EIF2AK3: variants seen among roughly 807,000 people sequenced by gnomAD.
The protein encoded by EIF2AK3 is eukaryotic translation initiation factor 2-alpha kinase 3.
A neutral mutation model predicts 113.5 loss-of-function variants in EIF2AK3; 50 were observed. The ratio of observed to expected loss-of-function variants is 0.44; its 90% CI spans 0.35 to 0.56. EIF2AK3 has a LOEUF of 0.56. Ranked by LOEUF, EIF2AK3 falls within the 20% of genes least tolerant of loss-of-function variation. The probability of loss-of-function intolerance (pLI) is 0.00; values close to 1 mark genes in which losing one functional copy is unlikely to be tolerated. For synonymous variants in EIF2AK3, 448 were observed against 495.4 expected (o/e 0.90, Z 1.27); for missense variants, 1,185 against 1,378.0 (o/e 0.86, Z 2.22).
chr2:88,574,465 T>C lies in EIF2AK3; in HGVS notation c.2817+201A>G, dbSNP rs1332480315. On this transcript the variant is annotated intron_variant, in intron 13 of 16. Coordinates refer to ENST00000303236, the MANE Select transcript of EIF2AK3 (RefSeq NM_004836.7). Reference sequence around the variant, plus strand: ...CAAACACATTACTGAAGACAATGAATGCATGGTTTGCCTAAAGTTTTCAGA... The same window carrying C: ...CAAACACATTACTGAAGACAATGAACGCATGGTTTGCCTAAAGTTTTCAGA... The C allele has an allele frequency of 1.5e-5, 9 of 617,454 alleles. No individual in the cohort carries two copies. In the East Asian group the frequency reaches 2.2e-4, roughly 15 times the overall value. The allele number at this position is 617,454 out of a possible 1,614,324, so 38.2% of individuals were successfully genotyped here.
Position 88,626,988 on chromosome 2 carries a change from G to C in EIF2AK3, c.287C>G (p.Thr96Arg). The C allele has an allele frequency of 1.2e-6, 2 of 1,609,454 alleles. No individual in the cohort carries two copies. The highest frequency in any genetic ancestry group is 1.7e-6 in the Non-Finnish European group (2 of 1,178,934). The change falls in exon 1 of 17, where the codon ACA becomes AGA. Residue 96 changes from threonine (T) to arginine (R), a missense_variant. Coordinates refer to ENST00000303236, the MANE Select transcript of EIF2AK3 (RefSeq NM_004836.7). Reference protein sequence around the residue: ...EPRGPEPDDETELRPRGRSLV... With the variant: ...EPRGPEPDDERELRPRGRSLV... ...TCACCTGCCGCGCGGTCGCAACTCT[G>C]TCTCATCGTCTGGTTCCGGACCCCG...
Position 88,562,295 on chromosome 2 carries a change from T to A in EIF2AK3, c.3081A>T (p.Arg1027Ser), listed in dbSNP as rs1673987029. ...GAGTAGGGAGGGTACTTACCCTGAC[T>A]CTCTCCATCTGAGTGCTGAATGGAT... is the stretch of plus-strand genomic sequence containing the variant. ...LLYPFSTQME[R>S]VRTLTDVRNL... Residue 1027 changes from arginine to serine, a missense_variant, in exon 15 of 17, where the codon AGA (arginine) becomes AGT (serine). Physicochemically the swap from Arg to Ser is moderately radical, Grantham distance 110. Coordinates refer to ENST00000303236, the MANE Select transcript of EIF2AK3 (RefSeq NM_004836.7). 1 of 1,613,388 alleles carries A rather than the reference T, an allele frequency of 6.2e-7. No homozygotes were observed.
intron 2 of EIF2AK3, among the ~76,000 whole-genome samples, chr2:88,609,315 G>A (rs1675372840): frequency 6.6e-6 from 1 of 152,222 alleles, no homozygotes; most frequent in Non-Finnish European, 1.5e-5. Context: ...CAAACAAGGT[G>A]TGATTTGCCT....
At position 88,574,660 on chromosome 2, in the gene EIF2AK3, A is replaced by G; in HGVS notation, c.2817+6T>C. ...ACCCCAAGGGTGATGCTCCACAAAT[A>G]CAGACCTTGAGGTCCCTGTGCATCA... On this transcript the variant is annotated splice_donor_region_variant and intron_variant, in intron 13 of 16. Transcript: ENST00000303236. The G allele has an allele frequency of 6.2e-7, 1 of 1,614,034 alleles. No homozygotes were observed. The highest frequency in any genetic ancestry group is 8.5e-7 in the Non-Finnish European group (1 of 1,179,964).
At chr2:88,603,568 C>A (rs1675202212) in intron 2 of EIF2AK3, among the ~76,000 whole-genome samples, 1 of 152,128 alleles carries the variant, frequency 6.6e-6, no homozygotes, top group Admixed American at 6.5e-5. Context: ...GTCTTCACAC[C>A]AAGTAGCAGA....
At chr2:88,602,554 A>G (rs1000747981) in intron 2 of EIF2AK3, among the ~76,000 whole-genome samples, 1 of 152,204 alleles carries the variant, frequency 6.6e-6, no homozygotes, top group Non-Finnish European at 1.5e-5. Context: ...AATATTTATT[A>G]AAGGGGCACA....
At chr2:88,586,089 T>C in intron 8 of EIF2AK3, 28 bp from the exon 9 acceptor site, 1 of 1,594,864 alleles carries the variant, frequency 6.3e-7, no homozygotes, top group Non-Finnish European at 8.6e-7. Context: ...AAAACGTTTT[T>C]TTTAAAGGTA....
intron 1 of EIF2AK3, among the ~76,000 whole-genome samples, chr2:88,620,245 T>G (rs1324726335): frequency 6.6e-6 from 1 of 152,156 alleles, no homozygotes; most frequent in African/African-American, 2.4e-5. Context: ...TTCTGCCTCT[T>G]GTACCAGCCC....
chr2:88,575,093 C>T lies in EIF2AK3; in HGVS notation c.2390G>A (p.Arg797Lys). The T allele has an allele frequency of 6.2e-7, 1 of 1,614,166 alleles. No homozygotes were observed. The highest frequency in any genetic ancestry group is 1.1e-5 in the South Asian group (1 of 91,082). ...LCPSEASPYV[R>K]SRERTSSSIV... ...TGAAGAGGAGGTTCTCTCCCTTGAC[C>T]TTACATAAGGAGAAGCTTCAGAAGG... Residue 797 changes from arginine to lysine, a missense_variant, in exon 13 of 17, where the codon AGG (arginine) becomes AAG (lysine). Transcript: ENST00000303236.
chr2:88,623,854 T>C (rs1675793896), intron 1 of EIF2AK3, among the ~76,000 whole-genome samples: 1 of 152,198 alleles, frequency 6.6e-6, no homozygotes, highest in Non-Finnish European at 1.5e-5. Flanking sequence ...CCTAGGCAAT[T>C]CTGTTTGGTG....
rs1674548558 is a variant in EIF2AK3 at position 88,579,621 on chromosome 2, G to A, written c.1783C>T (p.Pro595Ser). The change falls in exon 11 of 17, where the codon CCA becomes TCA. Residue 595 changes from proline to serine, a missense_variant. Transcript: ENST00000303236. The stretch of plus-strand genomic sequence containing the variant: ...CCACCACGTCCCAGGCATTGAATTG[G>A]CTCAAAATCAGTTAGATATCTTTAA... The part of the protein sequence containing the change: ...YISRYLTDFE[P>S]IQCLGRGGFG... 10 of 1,613,406 alleles carry A rather than the reference G, an allele frequency of 6.2e-6. No homozygotes were observed. The highest frequency in any genetic ancestry group is 6.8e-6 in the Non-Finnish European group (8 of 1,179,626).
At position 88,613,729 on chromosome 2, in the gene EIF2AK3, G is replaced by T. The variant is rs1675506532; in HGVS notation, c.433C>A (p.Pro145Thr). ...GSLVSSSLSK[P>T]EVFGNKMIIP... ...AGTTAACAGAAAATTCTTACCTCTG[G>T]TTTGCTAAGGCTGGATGACACCAAG... The change falls in exon 2 of 17, where the codon CCA (proline) becomes ACA (threonine). Residue 145 changes from proline to threonine, a missense_variant. Around this residue, in one of 3 missense-constraint regions of EIF2AK3, gnomAD observed 119 missense variants for 178.7 expected, o/e 0.67. Coordinates refer to ENST00000303236, the MANE Select transcript of EIF2AK3 (RefSeq NM_004836.7). 1 of 1,613,846 alleles carries T rather than the reference G, an allele frequency of 6.2e-7. No homozygotes were observed. The highest frequency in any genetic ancestry group is 8.5e-7 in the Non-Finnish European group (1 of 1,179,940).
chr2:88,624,441 A>G (rs1224754512), intron 1 of EIF2AK3, among the ~76,000 whole-genome samples: 1 of 152,142 alleles, frequency 6.6e-6, no homozygotes, highest in African/African-American at 2.4e-5. Flanking sequence ...CAATTTGAGT[A>G]TTGTCTCTGC....
At chr2:88,568,812 T>A (rs1674210784) in intron 14 of EIF2AK3, among the ~76,000 whole-genome samples, 1 of 152,258 alleles carries the variant, frequency 6.6e-6, no homozygotes, top group African/African-American at 2.4e-5. Flanking sequence ...ATGCTCTAGC[T>A]GCTCTTTTCA....
chr2:88,606,633 GAGAA>G (rs1675286348), intron 2 of EIF2AK3, among the ~76,000 whole-genome samples: 1 of 152,328 alleles, frequency 6.6e-6, no homozygotes, highest in African/African-American at 2.4e-5. Context: ...GTAAAAGTAA[GAGAA>G]GCTTTAAAAG....
chr2:88,623,470 T>C (rs1344078977), intron 1 of EIF2AK3, among the ~76,000 whole-genome samples: 1 of 152,242 alleles, frequency 6.6e-6, no homozygotes, highest in Non-Finnish European at 1.5e-5. Context: ...AAAGTATCAA[T>C]GAACTGGTGA....
chr2:88,564,394 TAATTAA>T (rs1336245992), intron 14 of EIF2AK3, among the ~76,000 whole-genome samples: 1 of 152,228 alleles, frequency 6.6e-6, no homozygotes, highest in Non-Finnish European at 1.5e-5. Flanking sequence ...ATTAAGAAGA[TAATTAA>T]GACTGTCCAT....
intron 10 of EIF2AK3, among the ~76,000 whole-genome samples, chr2:88,581,115 T>C (rs1008811717): frequency 1.3e-5 from 2 of 152,182 alleles, no homozygotes; most frequent in South Asian, 2.1e-4. Context: ...AGAGCTGAGA[T>C]TTGAACTCAT....
At chr2:88,571,266 G>A (rs1374557936) in intron 13 of EIF2AK3, among the ~76,000 whole-genome samples, 2 of 152,142 alleles carry the variant, frequency 1.3e-5, no homozygotes, top group East Asian at 3.8e-4. Flanking sequence ...AGTATTTATT[G>A]AACATCTACT....
Sources: gnomAD v4.1 joint callset for allele counts (sites outside exome capture counted in the v4.1 genomes callset) on GRCh38, gnomAD v4.1.1 for gene constraint, gnomAD v4.1.1 regional missense constraint, MANE v1.5 for transcripts, NCBI Gene and HGNC (gene_info 2026-07-23, HGNC 2026-07-21) for gene names.